The following MYB variants were observed in gnomAD, a reference collection of about 807,000 sequenced individuals.
MYB encodes the protein transcriptional activator Myb.
A neutral mutation model predicts 92.9 loss-of-function variants in MYB; 28 were observed. The observed-to-expected ratio is 0.30, with a 90% CI of 0.22 to 0.41. The LOEUF (loss-of-function observed/expected upper bound fraction) is 0.41. Among genes scored for constraint, MYB ranks in the 10% least tolerant of loss-of-function variants. The pLI is 1.00. For synonymous variants in MYB, 295 were observed against 329.1 expected (o/e 0.90, Z 1.12); for missense variants, 679 against 929.3 (o/e 0.73, Z 3.50).
intron 2 of MYB, among the ~76,000 whole-genome samples, chr6:135,187,243 A>G (rs991577681): frequency 7.2e-5 from 11 of 152,338 alleles, no homozygotes; most frequent in African/African-American, 9.6e-5. Context: ...GCCTATCTAA[A>G]TCTAACTGAT....
chr6:135,200,148 C>G lies in MYB; in HGVS notation c.1773C>G (p.Phe591Leu). 1.2e-6 allele frequency: 2 copies of G among 1,614,194 alleles called. No individual in the cohort carries two copies. The highest frequency in any genetic ancestry group is 8.5e-7 in the Non-Finnish European group (1 of 1,180,028). ...GCTCTCCAAGAACTCCTACACCATT[C>G]AAACATGCACTTGCAGCTCAAGAAA... ...LESSPRTPTPFKHALAAQEIK... is the reference protein window; with the variant it reads ...LESSPRTPTPLKHALAAQEIK... Residue 591 changes from phenylalanine to leucine, a missense_variant, in exon 12 of 16, where the codon TTC becomes TTG. Around this residue, in one of 8 missense-constraint regions of MYB, gnomAD observed 402 missense variants for 434.2 expected, o/e 0.93. Coordinates refer to ENST00000341911, the MANE Select transcript of MYB (RefSeq NM_001130173.2).
At chr6:135,202,607 A>AGG in intron 14 of MYB, 1 of 195,558 alleles carries the variant, frequency 5.1e-6, no homozygotes, top group East Asian at 1.5e-4. Flanking sequence ...ACCTCAGGTG[A>AGG]TCTACCCGCC....
At chr6:135,183,102 G>T (rs1239939247) in intron 1 of MYB, among the ~76,000 whole-genome samples, 1 of 141,742 alleles carries the variant, frequency 7.1e-6, no homozygotes, top group African/African-American at 2.6e-5. Flanking sequence ...GCGGCTCCGC[G>T]CCCCGAGGTC....
chr6:135,206,218 A>T (rs1256841156), intron 15 of MYB, among the ~76,000 whole-genome samples: 1 of 144,620 alleles, frequency 6.9e-6, no homozygotes, highest in East Asian at 2.0e-4. Flanking sequence ...AAAAAAAAAA[A>T]AAAAAAAAAT....
chr6:135,212,653 G>C (rs1779909189), intron 15 of MYB, among the ~76,000 whole-genome samples: 1 of 152,180 alleles, frequency 6.6e-6, no homozygotes. Flanking sequence ...GTGTGGGTAG[G>C]ATTATTAATG....
chr6:135,217,777 C>T (rs1562405357), intron 15 of MYB, 87 bp from the exon 16 acceptor site: 1 of 871,308 alleles, frequency 1.1e-6, no homozygotes, highest in Admixed American at 2.0e-5. Flanking sequence ...CAACCACTTG[C>T]CATCTGTTGG....
In MYB at chr6:135,181,532, C is replaced by G; in HGVS notation, c.19C>G (p.His7Asp). ...CCGCGCCATGGCCCGAAGACCCCGG[C>G]ACAGGTAACGGGGAGCCGGGCGGGC... MARRPR[H>D]SIYSSDEDDE... is the part of the protein sequence containing the mutation. Residue 7 changes from histidine (H) to aspartate (D), a missense_variant, in exon 1 of 16, where the codon CAC becomes GAC. Transcript: ENST00000341911. The surrounding 1 kb of genome is among the most constrained non-coding windows in gnomAD (Gnocchi z 5.3). 8.6e-7 allele frequency: 1 copy of G among 1,165,630 alleles called. No homozygotes were observed. The highest frequency in any genetic ancestry group is 1.1e-6 in the Non-Finnish European group (1 of 945,480). The allele number at this position is 1,165,630 out of a possible 1,614,324, so 72.2% of individuals were successfully genotyped here.
chr6:135,188,327 A>G (rs1380382179), intron 3 of MYB, among the ~76,000 whole-genome samples: 1 of 151,756 alleles, frequency 6.6e-6, no homozygotes, highest in East Asian at 1.9e-4. Flanking sequence ...CATTCCCCCA[A>G]CCCCTACATC....
intron 15 of MYB, among the ~76,000 whole-genome samples, chr6:135,208,632 T>G (rs1779306573): frequency 6.6e-6 from 1 of 151,674 alleles, no homozygotes. Context: ...CCTTCTGCCT[T>G]GACCTCCCAA....
chr6:135,187,621 G>A (rs538598266), intron 2 of MYB, among the ~76,000 whole-genome samples: 6 of 152,170 alleles, frequency 3.9e-5, no homozygotes, highest in African/African-American at 9.6e-5. Context: ...TGGTATACCC[G>A]CTTTACACAA....
intron 3 of MYB, among the ~76,000 whole-genome samples, chr6:135,189,494 G>C (rs1195845634): frequency 6.6e-6 from 1 of 152,204 alleles, no homozygotes; most frequent in Non-Finnish European, 1.5e-5. Context: ...CTCTGCAAAA[G>C]TATCTGAGGT....
At chr6:135,195,348 CTGA>C in intron 8 of MYB, 13 of 238,800 alleles carry the variant, frequency 5.4e-5, no homozygotes, top group Non-Finnish European at 6.7e-5. Flanking sequence ...ACTCTAACTC[CTGA>C]GTCCTCTAGC....
intron 14 of MYB, 112 bp from the exon 15 acceptor site, chr6:135,203,105 T>A: frequency 1.2e-6 from 1 of 810,224 alleles, no homozygotes; most frequent in South Asian, 1.5e-5. Flanking sequence ...ACTGCATTTT[T>A]TTATGCTAAT....
rs1352754267 is a variant in MYB, at chr6:135,181,813, A to C, written c.23+277A>C. Among the ~76,000 whole-genome samples, 1 of 152,214 alleles carries C rather than the reference A, an allele frequency of 6.6e-6. No individual in the cohort carries two copies. The highest frequency in any genetic ancestry group is 1.5e-5 in the Non-Finnish European group (1 of 68,030). On this transcript the variant is annotated intron_variant, in intron 1 of 15. Transcript: ENST00000341911. This position sits in a 1 kb window ranked among gnomAD's most constrained non-coding sequence, Gnocchi z 5.3. ...ACATTTTTCTTTAGGGGGAAAAAGA[A>C]AGCACGTTCCAGCCGAGGGCAGAGC...
At chr6:135,198,708 C>T (rs1777663614) in intron 10 of MYB, among the ~76,000 whole-genome samples, 200 bp from the exon 11 acceptor site, 1 of 152,116 alleles carries the variant, frequency 6.6e-6, no homozygotes, top group South Asian at 2.1e-4. Context: ...AATTTTATTT[C>T]TTGGAAACCA....
chr6:135,218,836 G>T lies in MYB; in HGVS notation c.*856G>T, dbSNP rs954367288. ...GGGAGACTCTGCATTTTTTATTGTG[G>T]TTTTTTTGTTATTGTTGGTTTATAC... On this transcript the variant is annotated 3_prime_UTR_variant, in exon 16 of 16. Coordinates refer to ENST00000341911, the MANE Select transcript of MYB (RefSeq NM_001130173.2). 12 of 223,852 alleles carry T rather than the reference G, an allele frequency of 5.4e-5. No individual in the cohort carries two copies. Among genetic ancestry groups the T allele is most frequent in the Non-Finnish European group, 5.4e-5 (6 of 112,086 alleles). 13.9% of individuals were successfully genotyped at this position (223,852 alleles called of 1,614,324 possible). A position where few individuals can be genotyped will look rare whatever the true frequency, so the allele number is the denominator to read the frequency against.
intron 15 of MYB, among the ~76,000 whole-genome samples, chr6:135,204,771 C>T (rs895234668): frequency 7.9e-5 from 12 of 152,132 alleles, no homozygotes; most frequent in Non-Finnish European, 1.8e-4. Flanking sequence ...CAAGTTCCTG[C>T]GTCAGTGAGG....
At chr6:135,214,644 A>G (rs563143880) in intron 15 of MYB, among the ~76,000 whole-genome samples, 297 of 152,272 alleles carry the variant, frequency 2.0e-3, no homozygotes, top group Non-Finnish European at 3.1e-3. Context: ...CTTCATATTC[A>G]CCATATTGAA....
intron 9 of MYB, 198 bp from the exon 10 acceptor site, chr6:135,196,763 G>A: frequency 6.5e-7 from 1 of 1,529,396 alleles, no homozygotes; most frequent in Admixed American, 2.0e-5. Flanking sequence ...CACATCAGAG[G>A]GCCAGCCTTG....
Sources: allele counts gnomAD v4.1 joint callset (sites outside exome capture counted in the v4.1 genomes callset), GRCh38; gene constraint gnomAD v4.1.1; regional missense constraint gnomAD v4.1.1; non-coding constraint Gnocchi (gnomAD v3.1); transcripts MANE v1.5; gene names NCBI Gene and HGNC (gene_info 2026-07-23, HGNC 2026-07-21).